CFAP299: variants seen among roughly 807,000 people sequenced by gnomAD.
The protein encoded by CFAP299 is cilia- and flagella-associated protein 299.
In CFAP299, 21 loss-of-function variants were observed where a neutral mutation model predicts 27.0. That is an observed-to-expected ratio of 0.78 (90% CI 0.55 to 1.12). The LOEUF (loss-of-function observed/expected upper bound fraction) is 1.12, where lower values mean the gene tolerates loss of function less well. Ranked by LOEUF, CFAP299 falls within the 50% of genes most tolerant of loss-of-function variation. The pLI is 0.00. For synonymous variants in CFAP299, 104 were observed against 98.1 expected (o/e 1.06, Z -0.36); for missense variants, 310 against 276.6 (o/e 1.12, Z -0.86).
At chr4:80,562,693 T>TAATAATAATAATAAC (rs574418448) in intron 2 of CFAP299, among the ~76,000 whole-genome samples, 3 of 128,604 alleles carry the variant, frequency 2.3e-5, no homozygotes, top group African/African-American at 6.2e-5. Context: ...ATAATAATAA[T>TAATAATAATAATAAC]AACAACAACA....
chr4:80,800,706 GT>G (rs1220582986), intron 3 of CFAP299, among the ~76,000 whole-genome samples: 4 of 109,008 alleles, frequency 3.7e-5, no homozygotes, highest in African/African-American at 1.5e-4. Context: ...TTATATATGA[GT>G]TTTTATGTAT....
At position 80,465,572 on chromosome 4, in the gene CFAP299, A is replaced by G. The variant is rs1729660603; in HGVS notation, c.242+102688A>G. On this transcript the variant is annotated intron_variant, in intron 2 of 5. Transcript: ENST00000358105. ...TTCCTATATTCTTCACTAGCCTTCC[A>G]TCTTGTGCACATTCTAAAAACTCTT... 2.0e-5 allele frequency among the ~76,000 whole-genome samples: 3 copies of G among 152,224 alleles called. No homozygotes were observed. In the South Asian group the frequency reaches 6.2e-4, roughly 32 times the overall value.
At chr4:80,687,557 C>A (rs1022099831) in intron 3 of CFAP299, among the ~76,000 whole-genome samples, 1 of 152,128 alleles carries the variant, frequency 6.6e-6, no homozygotes, top group Non-Finnish European at 1.5e-5. Context: ...ACTGAAAAAG[C>A]ATGTACATGC....
At chr4:80,548,995 G>C (rs1010820234) in intron 2 of CFAP299, among the ~76,000 whole-genome samples, 2 of 152,044 alleles carry the variant, frequency 1.3e-5, no homozygotes, top group African/African-American at 2.4e-5. Flanking sequence ...ACCTAAGGTG[G>C]GAAAAATCAT....
intron 1 of CFAP299, among the ~76,000 whole-genome samples, chr4:80,346,518 T>G (rs745342858): frequency 1.3e-5 from 2 of 152,194 alleles, no homozygotes; most frequent in Non-Finnish European, 2.9e-5. Flanking sequence ...CCAGCACCAT[T>G]TATTAAATAG....
intron 2 of CFAP299, among the ~76,000 whole-genome samples, chr4:80,431,936 AG>A (rs1409360896): frequency 6.6e-6 from 1 of 152,104 alleles, no homozygotes; most frequent in Non-Finnish European, 1.5e-5. Flanking sequence ...TTCACAGAAG[AG>A]TTTGTTGTTC....
At chr4:80,796,272 C>G (rs1727856004) in intron 3 of CFAP299, among the ~76,000 whole-genome samples, 1 of 152,160 alleles carries the variant, frequency 6.6e-6, no homozygotes, top group Non-Finnish European at 1.5e-5. Flanking sequence ...AGAAATTTTA[C>G]TGAGGTAGAG....
rs368173460 is a variant in CFAP299 at position 80,552,193 on chromosome 4, G to A, written c.243-30900G>A. ...TGGGACAATATAACTGATAAGTACT[G>A]CCTGGTGACATCTACTAATAGAGAA... On this transcript the variant is annotated intron_variant, in intron 2 of 5. Transcript: ENST00000358105. Among the ~76,000 whole-genome samples, 25 of 152,314 alleles carry A rather than the reference G, an allele frequency of 1.6e-4. 1 individual carries two copies. Among genetic ancestry groups the A allele is most frequent in the East Asian group, 1.5e-3 (8 of 5,194 alleles).
At chr4:80,862,804 T>C (rs760446854) in intron 3 of CFAP299, among the ~76,000 whole-genome samples, 1 of 152,060 alleles carries the variant, frequency 6.6e-6, no homozygotes, top group Non-Finnish European at 1.5e-5. Context: ...ATATATTTTA[T>C]ATATATATGT....
chr4:80,645,885 G>A (rs932427297), intron 3 of CFAP299, among the ~76,000 whole-genome samples: 1 of 152,164 alleles, frequency 6.6e-6, no homozygotes, highest in African/African-American at 2.4e-5. Flanking sequence ...ATTGGGAAAA[G>A]TGATTGGTAG....
intron 4 of CFAP299, among the ~76,000 whole-genome samples, chr4:80,890,985 C>T (rs553591072): frequency 3.2e-4 from 49 of 151,996 alleles, no homozygotes; most frequent in Non-Finnish European, 4.6e-4. Context: ...GAGTAGGTTG[C>T]GAAAATTCTC....
intron 3 of CFAP299, among the ~76,000 whole-genome samples, chr4:80,608,162 C>A (rs759889409): frequency 2.1e-4 from 32 of 151,928 alleles, no homozygotes; most frequent in Non-Finnish European, 4.1e-4. Flanking sequence ...GAGATATGAG[C>A]TATCTAATTT....
At chr4:80,860,128 C>A (rs1213744515) in intron 3 of CFAP299, among the ~76,000 whole-genome samples, 1 of 152,092 alleles carries the variant, frequency 6.6e-6, no homozygotes, top group Non-Finnish European at 1.5e-5. Flanking sequence ...TCTTTTTTCT[C>A]TAAACTTCCC....
chr4:80,591,249 A>G (rs900464813), intron 3 of CFAP299, among the ~76,000 whole-genome samples: 2 of 148,476 alleles, frequency 1.3e-5, no homozygotes, highest in Non-Finnish European at 3.0e-5. Flanking sequence ...TCAGCCTCCC[A>G]AGTAGCTGGG....
intron 4 of CFAP299, among the ~76,000 whole-genome samples, chr4:80,929,564 A>G (rs149467431): frequency 7.9e-4 from 121 of 152,302 alleles, no homozygotes; most frequent in African/African-American, 2.6e-3. Flanking sequence ...GCTATCTTCT[A>G]TATATTTCCT....
At chr4:80,800,523 T>TTG (rs1219368536) in intron 3 of CFAP299, among the ~76,000 whole-genome samples, 2 of 3,922 alleles carry the variant, frequency 5.1e-4, no homozygotes, top group South Asian at 7.7e-3. Context: ...ATATAATATA[T>TTG]AATATATTAT....
chr4:80,394,660 A>G (rs926406003), intron 2 of CFAP299, among the ~76,000 whole-genome samples: 1 of 152,122 alleles, frequency 6.6e-6, no homozygotes, highest in African/African-American at 2.4e-5. Context: ...CAGTTTTCCA[A>G]ACAACATTTT....
At chr4:80,627,629 A>T (rs1324247963) in intron 3 of CFAP299, among the ~76,000 whole-genome samples, 1 of 152,068 alleles carries the variant, frequency 6.6e-6, no homozygotes, top group Non-Finnish European at 1.5e-5. Context: ...AGAATTATCT[A>T]GTAAATTGAG....
intron 4 of CFAP299, among the ~76,000 whole-genome samples, chr4:80,938,502 T>G (rs1213304206): frequency 6.6e-6 from 1 of 152,210 alleles, no homozygotes; most frequent in Non-Finnish European, 1.5e-5. Context: ...TACTTTTAGT[T>G]AATCTATAAT....
Sources: gnomAD v4.1 joint callset for allele counts (sites outside exome capture counted in the v4.1 genomes callset) on GRCh38, gnomAD v4.1.1 for gene constraint, MANE v1.5 for transcripts, NCBI Gene and HGNC (gene_info 2026-07-23, HGNC 2026-07-21) for gene names.